ADAMTS17: variants seen among roughly 807,000 people sequenced by gnomAD.
ADAMTS17 encodes ADAM metallopeptidase with thrombospondin type 1 motif 17, also known as A disintegrin and metalloproteinase with thrombospondin motifs 17.
In ADAMTS17, 113 loss-of-function variants were observed where a neutral mutation model predicts 141.5. That is an observed-to-expected ratio of 0.80 (90% confidence interval 0.69 to 0.93). The LOEUF is 0.93. Ranked by LOEUF, ADAMTS17 falls within the 40% of genes least tolerant of loss-of-function variation. The pLI is 0.00. For synonymous variants in ADAMTS17, 768 were observed against 630.6 expected, an observed-to-expected ratio of 1.22 and a Z score of -3.27; for missense variants, 1,659 against 1,517.9, an observed-to-expected ratio of 1.09 and a Z score of -1.54.
chr15:99,990,707 A>C (rs1301994003), intron 20 of ADAMTS17, among the ~76,000 whole-genome samples: 1 of 151,616 alleles, frequency 6.6e-6, no homozygotes, highest in Non-Finnish European at 1.5e-5. Flanking sequence ...GCATTTCTGC[A>C]GGGATCAGAT....
chr15:100,016,612 A>C (rs1430920202), intron 18 of ADAMTS17, among the ~76,000 whole-genome samples: 2 of 152,266 alleles, frequency 1.3e-5, no homozygotes, highest in South Asian at 2.1e-4. Flanking sequence ...CTGTGAGCCG[A>C]ACTGAAGTGA....
chr15:100,211,796 C>G (rs1195625839), intron 7 of ADAMTS17, among the ~76,000 whole-genome samples: 1 of 152,150 alleles, frequency 6.6e-6, no homozygotes, highest in African/African-American at 2.4e-5. Context: ...AAGAAGATAT[C>G]AATTCACACC....
At chr15:100,168,652 T>A (rs12915966) in intron 8 of ADAMTS17, 22,262 of 152,172 alleles carry the variant, frequency 0.15, 1,688 homozygotes, top group South Asian at 0.19. Flanking sequence ...AATTCCTCAG[T>A]TTTAGGGAAG....
chr15:99,975,452 C>G (rs896434810), intron 21 of ADAMTS17, among the ~76,000 whole-genome samples: 7 of 152,224 alleles, frequency 4.6e-5, no homozygotes, highest in African/African-American at 7.2e-5. Flanking sequence ...TCAGGTGATC[C>G]ACCCATCTCG....
chr15:100,175,631 T>C, intron 8 of ADAMTS17, among the ~76,000 whole-genome samples: 1 of 152,186 alleles, frequency 6.6e-6, no homozygotes, highest in East Asian at 1.9e-4. Context: ...CTTGGTCATC[T>C]GTACTCTTTC....
At chr15:100,069,651 T>A (rs537874172) in intron 15 of ADAMTS17, among the ~76,000 whole-genome samples, 1 of 152,164 alleles carries the variant, frequency 6.6e-6, no homozygotes, top group South Asian at 2.1e-4. Flanking sequence ...CTAAGCTTCA[T>A]AAGTGAAGGA....
At chr15:100,308,001 C>A (rs1016671090) in intron 3 of ADAMTS17, among the ~76,000 whole-genome samples, 4 of 152,224 alleles carry the variant, frequency 2.6e-5, no homozygotes, top group African/African-American at 9.6e-5. Flanking sequence ...GCATATCCTG[C>A]CAAAAACGTC....
At chr15:100,000,374 G>A (rs764016761) in intron 18 of ADAMTS17, among the ~76,000 whole-genome samples, 4 of 152,170 alleles carry the variant, frequency 2.6e-5, no homozygotes, top group Non-Finnish European at 4.4e-5. Context: ...TGTGGCAGAT[G>A]TTCAATCCCT....
At chr15:100,096,289 A>C (rs892969253) in intron 15 of ADAMTS17, 67 bp downstream of exon 15, 55 of 1,605,196 alleles carry the variant, frequency 3.4e-5, no homozygotes, top group African/African-American at 8.0e-5. Context: ...GGAAGACTGC[A>C]ATCAATAGCT....
chr15:100,136,162 G>T (rs1219178988), intron 10 of ADAMTS17, among the ~76,000 whole-genome samples: 1 of 152,126 alleles, frequency 6.6e-6, no homozygotes, highest in African/African-American at 2.4e-5. Flanking sequence ...GTTCCATGTT[G>T]GAAACAACCC....
chr15:100,293,986 T>C (rs1428231708), intron 3 of ADAMTS17, among the ~76,000 whole-genome samples: 1 of 152,178 alleles, frequency 6.6e-6, no homozygotes, highest in Non-Finnish European at 1.5e-5. Flanking sequence ...CAGAGCTGGT[T>C]AGAATCTGCC....
intron 15 of ADAMTS17, among the ~76,000 whole-genome samples, chr15:100,079,768 C>T (rs1165344004): frequency 3.9e-5 from 6 of 152,160 alleles, no homozygotes; most frequent in Admixed American, 3.9e-4. Context: ...GACTACCATC[C>T]GTGGAGTCTC....
chr15:100,292,413 C>T (rs62038075), intron 3 of ADAMTS17, among the ~76,000 whole-genome samples: 59,034 of 148,754 alleles, frequency 0.4, 11,947 homozygotes, highest in South Asian at 0.52. Context: ...ACACTCACCC[C>T]GTTAGAGACA....
chr15:100,113,441 G>A (rs950568147), intron 13 of ADAMTS17, among the ~76,000 whole-genome samples: 2 of 152,168 alleles, frequency 1.3e-5, no homozygotes, highest in African/African-American at 2.4e-5. Flanking sequence ...TGACTATGGG[G>A]TGCTCTCCTG....
chr15:100,105,716 C>G (rs1223410005), intron 14 of ADAMTS17, among the ~76,000 whole-genome samples: 1 of 152,072 alleles, frequency 6.6e-6, no homozygotes, highest in Non-Finnish European at 1.5e-5. Context: ...GAGATGGAGT[C>G]TTACTCTGTC....
chr15:100,220,062 A>G (rs187017854), intron 7 of ADAMTS17, among the ~76,000 whole-genome samples: 96 of 152,260 alleles, frequency 6.3e-4, no homozygotes, highest in African/African-American at 2.2e-3. Flanking sequence ...ATGCATCGCC[A>G]TGGTACCTTC....
intron 7 of ADAMTS17, among the ~76,000 whole-genome samples, chr15:100,242,710 CCTT>C (rs1404425581): frequency 2.0e-5 from 3 of 152,202 alleles, no homozygotes; most frequent in Non-Finnish European, 4.4e-5. Context: ...TGGGCATTGT[CCTT>C]CTCCCATCCT....
chr15:100,274,812 A>G (rs1475820591), intron 4 of ADAMTS17, among the ~76,000 whole-genome samples: 2 of 151,258 alleles, frequency 1.3e-5, no homozygotes, highest in African/African-American at 4.9e-5. Flanking sequence ...ATGTATACAT[A>G]TATTTTTTTT....
At chr15:100,029,256 C>T (rs947364875) in intron 18 of ADAMTS17, among the ~76,000 whole-genome samples, 1 of 152,202 alleles carries the variant, frequency 6.6e-6, no homozygotes, top group African/African-American at 2.4e-5. Context: ...ACAAAACTAC[C>T]TCTACTCTGA....
Sources: allele counts gnomAD v4.1 joint callset (sites outside exome capture counted in the v4.1 genomes callset), GRCh38; gene constraint gnomAD v4.1.1; transcripts MANE v1.5; gene names NCBI Gene and HGNC (gene_info 2026-07-23, HGNC 2026-07-21).